ADAMTS17: variants seen among roughly 807,000 people sequenced by gnomAD.
ADAMTS17 encodes the protein A disintegrin and metalloproteinase with thrombospondin motifs 17.
Under a neutral mutation model 141.5 loss-of-function variants are expected in ADAMTS17, and 113 were observed. That is an observed-to-expected ratio of 0.80 (90% confidence interval 0.69 to 0.93). The LOEUF is 0.93. Ranked by LOEUF, ADAMTS17 falls within the 40% of genes least tolerant of loss-of-function variation. The pLI, the probability that ADAMTS17 is intolerant of heterozygous loss-of-function variation, is 0.00. For synonymous variants in ADAMTS17, 768 were observed against 630.6 expected, an observed-to-expected ratio of 1.22 and a Z score of -3.27; for missense variants, 1,659 against 1,517.9, an observed-to-expected ratio of 1.09 and a Z score of -1.54.
At chr15:100,014,476 T>C (rs1433108005) in intron 18 of ADAMTS17, among the ~76,000 whole-genome samples, 2 of 152,180 alleles carry the variant, frequency 1.3e-5, no homozygotes, top group African/African-American at 4.8e-5. Context: ...GCTCTTTCAG[T>C]CTTTCTGATG....
chr15:100,131,925 C>G, intron 12 of ADAMTS17, 82 bp downstream of exon 12: 1 of 1,603,640 alleles, frequency 6.2e-7, no homozygotes, highest in Non-Finnish European at 8.5e-7. Flanking sequence ...GAGACAGACC[C>G]TGCTTTGTGT....
intron 19 of ADAMTS17, among the ~76,000 whole-genome samples, chr15:99,996,676 A>T (rs1350739053): frequency 6.6e-6 from 1 of 152,166 alleles, no homozygotes; most frequent in African/African-American, 2.4e-5. Context: ...ACTTTAAAAA[A>T]TTTTCCACAC....
chr15:99,992,108 G>A (rs1279311102), intron 20 of ADAMTS17, among the ~76,000 whole-genome samples: 9 of 151,972 alleles, frequency 5.9e-5, no homozygotes, highest in Non-Finnish European at 1.0e-4. Flanking sequence ...GTTGATGGGC[G>A]CAGCAAACCA....
At chr15:100,078,645 T>C (rs1402821294) in intron 15 of ADAMTS17, among the ~76,000 whole-genome samples, 1 of 152,170 alleles carries the variant, frequency 6.6e-6, no homozygotes, top group South Asian at 2.1e-4. Flanking sequence ...TAAATCTTCA[T>C]GACCTTGAAT....
chr15:100,176,441 G>A (rs113215007), intron 8 of ADAMTS17, among the ~76,000 whole-genome samples: 28 of 152,240 alleles, frequency 1.8e-4, no homozygotes, highest in African/African-American at 5.1e-4. Context: ...AGTGTGACCC[G>A]GACATCTGGA....
chr15:100,019,527 C>T (rs2061361194), intron 18 of ADAMTS17, among the ~76,000 whole-genome samples: 1 of 152,174 alleles, frequency 6.6e-6, no homozygotes, highest in South Asian at 2.1e-4. Flanking sequence ...CTGACCTTGG[C>T]TGCAGTGAGT....
intron 3 of ADAMTS17, among the ~76,000 whole-genome samples, chr15:100,316,512 C>T (rs957616757): frequency 1.3e-5 from 2 of 152,150 alleles, no homozygotes; most frequent in Non-Finnish European, 1.5e-5. Flanking sequence ...ACTCCCCTTC[C>T]GGTGGATTTT....
At chr15:100,078,877 G>C (rs749290304) in intron 15 of ADAMTS17, among the ~76,000 whole-genome samples, 3 of 152,238 alleles carry the variant, frequency 2.0e-5, no homozygotes, top group Non-Finnish European at 2.9e-5. Flanking sequence ...ACAAGAAAAT[G>C]ACAATCCAAT....
intron 3 of ADAMTS17, among the ~76,000 whole-genome samples, chr15:100,322,890 A>T (rs2045773715): frequency 6.6e-6 from 1 of 152,026 alleles, no homozygotes; most frequent in African/African-American, 2.4e-5. Context: ...GATCAAGACC[A>T]TCCTGGTCAA....
At chr15:100,281,174 T>A in intron 4 of ADAMTS17, 55 bp downstream of exon 4, 1 of 1,596,236 alleles carries the variant, frequency 6.3e-7, no homozygotes. Context: ...CTTCCAGATC[T>A]CTCATCAAGG....
intron 8 of ADAMTS17, among the ~76,000 whole-genome samples, chr15:100,181,108 C>T (rs1274026466): frequency 6.6e-6 from 1 of 152,188 alleles, no homozygotes; most frequent in Non-Finnish European, 1.5e-5. Flanking sequence ...CACACAAGGC[C>T]CATGGGGAGT....
intron 10 of ADAMTS17, among the ~76,000 whole-genome samples, chr15:100,140,081 C>T (rs549574126): frequency 5.3e-5 from 8 of 152,202 alleles, no homozygotes; most frequent in African/African-American, 1.7e-4. Context: ...CTGCAACCTC[C>T]GCCTCCTGGG....
chr15:100,018,483 G>T (rs2061336315), intron 18 of ADAMTS17, among the ~76,000 whole-genome samples: 2 of 152,150 alleles, frequency 1.3e-5, no homozygotes, highest in Admixed American at 6.5e-5. Flanking sequence ...CTGTTCTCAT[G>T]ATACTGAGTA....
Position 100,001,567 on chromosome 15 carries a change from C to T in ADAMTS17, c.2592-3978G>A, listed in dbSNP as rs148866718. On this transcript the variant is annotated intron_variant, in intron 18 of 21. Transcript: ENST00000268070. ...GTCAGGGTAGGTCCCTCAGCGGTAA[C>T]GAATGTAGCACTCTGGCGGGGAGAC... 1.7e-3 allele frequency among the ~76,000 whole-genome samples: 266 copies of T among 152,196 alleles called. 1 individual carries two copies. The highest frequency in any genetic ancestry group is 5.9e-3 in the African/African-American group (244 of 41,506).
intron 18 of ADAMTS17, among the ~76,000 whole-genome samples, chr15:100,043,881 ACT>A (rs2031468006): frequency 6.6e-6 from 1 of 152,216 alleles, no homozygotes. Context: ...AGCCAGAATG[ACT>A]CTGAACTTTC....
chr15:100,323,273 T>C (rs1189860935), intron 3 of ADAMTS17, among the ~76,000 whole-genome samples: 2 of 152,122 alleles, frequency 1.3e-5, no homozygotes, highest in African/African-American at 2.4e-5. Flanking sequence ...CTTTTACAAA[T>C]AAAGAAATTG....
chr15:100,056,228 T>C (rs1043773005), intron 15 of ADAMTS17, among the ~76,000 whole-genome samples: 4 of 152,314 alleles, frequency 2.6e-5, no homozygotes, highest in Middle Eastern at 3.4e-3. Context: ...TGGACGTTCA[T>C]CATTCTTTCA....
At chr15:100,174,577 C>CT (rs986421336) in intron 8 of ADAMTS17, among the ~76,000 whole-genome samples, 4 of 152,290 alleles carry the variant, frequency 2.6e-5, no homozygotes, top group South Asian at 2.1e-4. Context: ...TAAAGCAATA[C>CT]TTTTTTACCT....
chr15:100,004,235 C>T lies in ADAMTS17; in HGVS notation c.2592-6646G>A, dbSNP rs920489410. 3.9e-5 allele frequency among the ~76,000 whole-genome samples: 6 copies of T among 152,360 alleles called. No individual in the cohort carries two copies. In the East Asian group the frequency reaches 7.7e-4, roughly 20 times the overall value. ...GTGTGGACTTTGTGTACAAGCACTC[C>T]GCAGCGTATTTTAGCTGTTTTTCAG... On this transcript the variant is annotated intron_variant, in intron 18 of 21. Coordinates refer to ENST00000268070, the MANE Select transcript of ADAMTS17 (RefSeq NM_139057.4).
Sources: allele counts gnomAD v4.1 joint callset (sites outside exome capture counted in the v4.1 genomes callset), GRCh38; gene constraint gnomAD v4.1.1; transcripts MANE v1.5; gene names NCBI Gene and HGNC (gene_info 2026-07-23, HGNC 2026-07-21).